Variants in N4BP2L2 observed in about 807,000 individuals in gnomAD.
N4BP2L2 encodes NEDD4-binding protein 2-like 2.
N4BP2L2 carries 50 observed loss-of-function variants against 56.2 expected under a neutral mutation model. The ratio of observed to expected loss-of-function variants is 0.89; its 90% CI spans 0.71 to 1.13. The LOEUF (loss-of-function observed/expected upper bound fraction) is 1.13. Among genes scored for constraint, N4BP2L2 ranks in the 50% most tolerant of loss-of-function variants. The pLI is 0.00. For missense variants in N4BP2L2, 689 were observed against 693.8 expected (o/e 0.99, Z 0.08); for synonymous variants, 203 against 223.6 (o/e 0.91, Z 0.82).
intron 6 of N4BP2L2, among the ~76,000 whole-genome samples, chr13:32,462,482 G>C (rs1011797230): frequency 6.6e-6 from 1 of 152,056 alleles, no homozygotes; most frequent in South Asian, 2.1e-4. Context: ...AATGGATGAA[G>C]AGAGGTTGGT....
intron 8 of N4BP2L2, among the ~76,000 whole-genome samples, chr13:32,437,736 G>A (rs2075690987): frequency 1.3e-5 from 2 of 152,124 alleles, no homozygotes; most frequent in African/African-American, 4.8e-5. Flanking sequence ...ACTGAGGGCC[G>A]GACAGGAGAA....
chr13:32,507,060 A>G (rs901002072), downstream of N4BP2L2: 1 of 152,196 alleles, frequency 6.6e-6, no homozygotes, highest in African/African-American at 2.4e-5. Flanking sequence ...GTAGTTTAAA[A>G]TGTAGGAACA....
intron 6 of N4BP2L2, among the ~76,000 whole-genome samples, chr13:32,462,602 T>C (rs539023837): frequency 3.3e-5 from 5 of 152,206 alleles, no homozygotes; most frequent in African/African-American, 1.2e-4. Context: ...TCCGAATAGC[T>C]AGAAGACAGG....
chr13:32,479,752 C>CTGCAGTAAA (rs1340994640), intron 6 of N4BP2L2, among the ~76,000 whole-genome samples: 2 of 151,802 alleles, frequency 1.3e-5, no homozygotes, highest in Non-Finnish European at 2.9e-5. Flanking sequence ...AAAAAGACAT[C>CTGCAGTAAA]TGCAGAAAAT....
At chr13:32,498,820 T>G (rs538682773) in intron 6 of N4BP2L2, among the ~76,000 whole-genome samples, 2 of 150,202 alleles carry the variant, frequency 1.3e-5, no homozygotes, top group Admixed American at 1.3e-4. Flanking sequence ...CTGGGCAACA[T>G]GGTGAAACCC....
At chr13:32,468,120 G>A (rs2081570399) in intron 6 of N4BP2L2, among the ~76,000 whole-genome samples, 1 of 152,120 alleles carries the variant, frequency 6.6e-6, no homozygotes. Context: ...GTAGGAAGTA[G>A]GGGCTAAAGA....
At chr13:32,498,056 G>C (rs2089163115) in intron 6 of N4BP2L2, among the ~76,000 whole-genome samples, 1 of 152,138 alleles carries the variant, frequency 6.6e-6, no homozygotes, top group Non-Finnish European at 1.5e-5. Context: ...CATGATCTCA[G>C]CTCATTTCAA....
exon 6 of N4BP2L2, chr13:32,517,981 G>T: frequency 6.2e-7 from 1 of 1,613,386 alleles, no homozygotes; most frequent in Non-Finnish European, 8.5e-7. Context: ...ATCTTCTTTC[G>T]AGACACACCA....
intron 8 of N4BP2L2, among the ~76,000 whole-genome samples, chr13:32,436,785 C>CAAAAAAAAAAA (rs1174354861): frequency 2.2e-5 from 1 of 44,970 alleles, no homozygotes; most frequent in Non-Finnish European, 4.1e-5. Flanking sequence ...GTGTGACTGT[C>CAAAAAAAAAAA]AAAAAAAAAA....
intron 6 of N4BP2L2, chr13:32,480,721 G>T: frequency 1.4e-6 from 1 of 735,536 alleles, no homozygotes; most frequent in Non-Finnish European, 2.0e-6. Context: ...ATCCACAACT[G>T]TGCTACTACT....
intron 6 of N4BP2L2, among the ~76,000 whole-genome samples, chr13:32,496,087 A>G (rs1350991039): frequency 1.3e-5 from 2 of 152,292 alleles, no homozygotes; most frequent in Non-Finnish European, 2.9e-5. Context: ...AGAATTTTGA[A>G]TGAGGCAGCC....
intron 6 of N4BP2L2, among the ~76,000 whole-genome samples, chr13:32,457,765 A>G (rs1295327298): frequency 2.0e-5 from 3 of 152,250 alleles, no homozygotes; most frequent in Non-Finnish European, 4.4e-5. Flanking sequence ...AGTATCTACC[A>G]TCATGAAAAC....
At chr13:32,484,205 C>T (rs2085385976) in intron 6 of N4BP2L2, among the ~76,000 whole-genome samples, 1 of 151,770 alleles carries the variant, frequency 6.6e-6, no homozygotes, top group African/African-American at 2.4e-5. Flanking sequence ...CGTCTGTAGT[C>T]CTAGTTAACT....
chr13:32,515,147 A>AG (rs2048932722), exon 6 of N4BP2L2: 1 of 152,010 alleles, frequency 6.6e-6, no homozygotes, highest in African/African-American at 2.4e-5. Context: ...CTCAAAAAAA[A>AG]AAAAAAAAAT....
At chr13:32,446,368 G>A in intron 6 of N4BP2L2, 1 of 1,365,526 alleles carries the variant, frequency 7.3e-7, no homozygotes, top group Non-Finnish European at 9.8e-7. Context: ...CCTGATTCCA[G>A]TGAAAGTCCT....
At chr13:32,446,399 T>A in intron 6 of N4BP2L2, 1 of 1,364,664 alleles carries the variant, frequency 7.3e-7, no homozygotes, top group Non-Finnish European at 9.8e-7. Flanking sequence ...CAAGGTGCAA[T>A]GTCAGTTATG....
intron 6 of N4BP2L2, among the ~76,000 whole-genome samples, chr13:32,486,841 T>C (rs2085987589): frequency 6.6e-6 from 1 of 151,050 alleles, no homozygotes; most frequent in Admixed American, 6.6e-5. Flanking sequence ...CCACTAAAAA[T>C]ACAAAAAATT....
At chr13:32,482,918 C>T (rs2139177092) in intron 6 of N4BP2L2, among the ~76,000 whole-genome samples, 1 of 152,318 alleles carries the variant, frequency 6.6e-6, no homozygotes, top group Non-Finnish European at 1.5e-5. Flanking sequence ...ATTCTATCTA[C>T]TACTAGTTTG....
At chr13:32,438,481 C>T (rs1353709550) in intron 8 of N4BP2L2, among the ~76,000 whole-genome samples, 1 of 152,136 alleles carries the variant, frequency 6.6e-6, no homozygotes, top group Non-Finnish European at 1.5e-5. Flanking sequence ...TGCCTGTAAT[C>T]CCAGCTACTA....
Sources: gnomAD v4.1 joint callset for allele counts (sites outside exome capture counted in the v4.1 genomes callset) on GRCh38, gnomAD v4.1.1 for gene constraint, MANE v1.5 for transcripts, NCBI Gene and HGNC (gene_info 2026-07-23, HGNC 2026-07-21) for gene names.